IL1RAPL2: variants seen among roughly 807,000 people sequenced by gnomAD.
IL1RAPL2 encodes X-linked interleukin-1 receptor accessory protein-like 2.
In IL1RAPL2, 3 loss-of-function variants were observed where a neutral mutation model predicts 44.1. The ratio of observed to expected loss-of-function variants is 0.07; its 90% CI spans 0.03 to 0.18. The LOEUF (loss-of-function observed/expected upper bound fraction) is 0.18. IL1RAPL2 is among the 10% of genes least tolerant of loss of function. The pLI is 1.00. For synonymous variants in IL1RAPL2, 181 were observed against 178.8 expected (o/e 1.01, Z -0.10); for missense variants, 391 against 496.4 (o/e 0.79, Z 2.02).
chrX:105,700,094 A>ATAAGAAAG (rs2038107616), intron 6 of IL1RAPL2, among the ~76,000 whole-genome samples: 1 of 111,592 alleles, frequency 9.0e-6, no homozygotes, highest in South Asian at 3.7e-4. Context: ...GTTGGTGTTA[A>ATAAGAAAG]TAAGAAAGGG....
chrX:105,145,510 T>G (rs2033171987), intron 2 of IL1RAPL2, among the ~76,000 whole-genome samples: 1 of 111,183 alleles, frequency 9.0e-6, no homozygotes, highest in South Asian at 3.8e-4. Context: ...TTAGCAGGGG[T>G]CTAACTTTAT....
intron 2 of IL1RAPL2, among the ~76,000 whole-genome samples, chrX:104,836,208 T>G (rs1442394536): frequency 3.6e-5 from 4 of 110,570 alleles, no homozygotes; most frequent in African/African-American, 1.3e-4. Context: ...AGCTAAAAAT[T>G]GAAACAATTA....
chrX:105,117,920 A>G (rs1369259950), intron 2 of IL1RAPL2, among the ~76,000 whole-genome samples: 2 of 112,009 alleles, frequency 1.8e-5, no homozygotes, highest in Non-Finnish European at 3.8e-5. Context: ...CTTAAGGGAT[A>G]TTGTTGAGAT....
chrX:104,658,147 A>G (rs768494515), intron 1 of IL1RAPL2, among the ~76,000 whole-genome samples: 25 of 112,173 alleles, frequency 2.2e-4, no homozygotes, highest in Non-Finnish European at 4.5e-4. Context: ...AAATCATGCT[A>G]CTATAAAGAC....
chrX:105,541,573 A>C (rs1395671911), intron 6 of IL1RAPL2, among the ~76,000 whole-genome samples: 1 of 110,912 alleles, frequency 9.0e-6, no homozygotes, highest in Non-Finnish European at 1.9e-5. Context: ...GCTGTGTCCT[A>C]GCCTGAGAAG....
intron 4 of IL1RAPL2, among the ~76,000 whole-genome samples, chrX:105,235,563 C>T (rs1489691984): frequency 1.8e-5 from 2 of 111,409 alleles, no homozygotes; most frequent in Non-Finnish European, 3.8e-5. Flanking sequence ...GGAAACTTAC[C>T]AATAGACACC....
At chrX:104,890,015 G>A (rs1407820884) in intron 2 of IL1RAPL2, among the ~76,000 whole-genome samples, 4 of 110,783 alleles carry the variant, frequency 3.6e-5, no homozygotes, top group South Asian at 7.8e-4. Flanking sequence ...TGTTCTCAAT[G>A]TTCAATTCCC....
Position 104,918,829 on chromosome X carries a change from G to T in IL1RAPL2, c.82+259834G>T, listed in dbSNP as rs768694642. Among the ~76,000 whole-genome samples the T allele has an allele frequency of 9.1e-4, 102 of 111,716 alleles. 1 individual carries two copies. Among genetic ancestry groups the T allele is most frequent in the Non-Finnish European group, 1.5e-3 (79 of 53,169 alleles). ...TGGAAGCCCGTATACTATTCTTGAT[G>T]GTATTAATTTTTATTGTTTCTCAAA... On this transcript the variant is annotated intron_variant, in intron 2 of 10. Coordinates refer to ENST00000372582, the MANE Select transcript of IL1RAPL2 (RefSeq NM_017416.2).
At chrX:105,616,299 T>C (rs2037376194) in intron 6 of IL1RAPL2, among the ~76,000 whole-genome samples, 1 of 112,123 alleles carries the variant, frequency 8.9e-6, no homozygotes, top group South Asian at 3.7e-4. Flanking sequence ...GTGTTCTTGG[T>C]ACTATTTTTA....
At chrX:105,410,133 T>C (rs999126522) in intron 5 of IL1RAPL2, among the ~76,000 whole-genome samples, 2 of 110,328 alleles carry the variant, frequency 1.8e-5, no homozygotes, top group African/African-American at 6.6e-5. Context: ...TTTAGTCTTA[T>C]TAAGTTTGAT....
rs376618333 is a variant in IL1RAPL2, at chrX:105,406,506, C to T, written c.698-77807C>T. On this transcript the variant is annotated intron_variant, in intron 5 of 10. Coordinates refer to ENST00000372582, the MANE Select transcript of IL1RAPL2 (RefSeq NM_017416.2). ...CGAAAGGAATTTGTCCGATTTTTTG[C>T]TAGCAACTCCAACCAAGTCAGAACT... 8.9e-4 allele frequency: 1,064 copies of T among 1,197,957 alleles called. 9 individuals are homozygous for T. In the South Asian group the frequency reaches 0.016, roughly 19 times the overall value.
At chrX:104,896,052 A>T (rs1292415808) in intron 2 of IL1RAPL2, among the ~76,000 whole-genome samples, 1 of 111,492 alleles carries the variant, frequency 9.0e-6, no homozygotes, top group Non-Finnish European at 1.9e-5. Context: ...TATACTGACC[A>T]GTCAGGGATG....
chrX:105,130,448 T>C (rs1256972695), intron 2 of IL1RAPL2, among the ~76,000 whole-genome samples: 1 of 111,259 alleles, frequency 9.0e-6, no homozygotes, highest in African/African-American at 3.3e-5. Flanking sequence ...AATCACTTGG[T>C]GACCTTATTA....
In IL1RAPL2 at chrX:105,639,218, GC is replaced by G. The variant is rs1198086067; in HGVS notation, c.773-78147del. ...TTTAAGTCACTCTGCATATCTCCAT[GC>G]CTTATCAATTTACTATTTGAAATCA... On this transcript the variant is annotated intron_variant, in intron 6 of 10. Transcript: ENST00000372582. Among the ~76,000 whole-genome samples, 65 of 111,561 alleles carry G rather than the reference GC, an allele frequency of 5.8e-4. 1 individual carries two copies. Among genetic ancestry groups the G allele is most frequent in the Non-Finnish European group, 2.8e-4 (15 of 53,081 alleles).
intron 2 of IL1RAPL2, among the ~76,000 whole-genome samples, chrX:105,079,939 C>T (rs748910624): frequency 8.9e-6 from 1 of 112,205 alleles, no homozygotes; most frequent in Admixed American, 9.4e-5. Flanking sequence ...ATTTACATTT[C>T]TCTAATGACC....
rs1258307769 is a variant in IL1RAPL2, at chrX:105,032,179, C to T, written c.83-163296C>T. 7.3e-5 allele frequency among the ~76,000 whole-genome samples: 8 copies of T among 110,111 alleles called. No homozygotes were observed. In the East Asian group the frequency reaches 1.1e-3, roughly 16 times the overall value. ...TTGTTGATCTTTTCAAAAAACCAGCCCCTGGATTCATTAATTTTTTGAAGG... is the reference window on the plus strand; with the variant it reads ...TTGTTGATCTTTTCAAAAAACCAGCTCCTGGATTCATTAATTTTTTGAAGG... On this transcript the variant is annotated intron_variant, in intron 2 of 10. Coordinates refer to ENST00000372582, the MANE Select transcript of IL1RAPL2 (RefSeq NM_017416.2).
intron 2 of IL1RAPL2, among the ~76,000 whole-genome samples, chrX:104,800,975 C>A (rs1450791381): frequency 1.8e-5 from 2 of 112,707 alleles, no homozygotes; most frequent in East Asian, 2.8e-4. Flanking sequence ...AATCTACCAA[C>A]CAGCTAATCT....
At chrX:105,358,312 G>C (rs1172124566) in intron 5 of IL1RAPL2, among the ~76,000 whole-genome samples, 1 of 107,094 alleles carries the variant, frequency 9.3e-6, no homozygotes, top group African/African-American at 3.4e-5. Flanking sequence ...AGTATGCTAT[G>C]ACTGGATATC....
At chrX:104,948,908 G>C (rs1354681566) in intron 2 of IL1RAPL2, among the ~76,000 whole-genome samples, 1 of 110,048 alleles carries the variant, frequency 9.1e-6, no homozygotes, top group African/African-American at 3.3e-5. Context: ...GCCTGGCTTT[G>C]GTATCAGGAT....
Sources: allele counts gnomAD v4.1 joint callset (sites outside exome capture counted in the v4.1 genomes callset), GRCh38; gene constraint gnomAD v4.1.1; transcripts MANE v1.5; gene names NCBI Gene and HGNC (gene_info 2026-07-23, HGNC 2026-07-21).